COL19A1: variants seen among roughly 807,000 people sequenced by gnomAD.
The protein encoded by COL19A1 is collagen alpha-1(XIX) chain.
In COL19A1, 159 loss-of-function variants were observed where a neutral mutation model predicts 190.2. The ratio of observed to expected loss-of-function variants is 0.84; its 90% CI spans 0.73 to 0.95. The LOEUF (loss-of-function observed/expected upper bound fraction) is 0.95, where lower values mean the gene tolerates loss of function less well. Among genes scored for constraint, COL19A1 ranks in the 40% least tolerant of loss-of-function variants. The pLI, the probability that COL19A1 is intolerant of heterozygous loss-of-function variation, is 0.00. For missense variants in COL19A1, 1,418 were observed against 1,431.9 expected, an observed-to-expected ratio of 0.99 and a Z score of 0.16; for synonymous variants, 509 against 458.9, an observed-to-expected ratio of 1.11 and a Z score of -1.39.
intron 12 of COL19A1, among the ~76,000 whole-genome samples, chr6:70,032,588 A>G (rs1779133749): frequency 6.6e-6 from 1 of 152,174 alleles, no homozygotes; most frequent in African/African-American, 2.4e-5. Context: ...TCCAACTGTT[A>G]TCATTTAAGC....
Position 69,900,317 on chromosome 6 carries a change from C to T in COL19A1, c.245C>T (p.Ala82Val). The change falls in exon 4 of 51, where the codon GCA becomes GTA. Residue 82 changes from alanine (A) to valine (V), a missense_variant. By Grantham distance (64) the Ala-to-Val change is moderately conservative (BLOSUM62 0). Coordinates refer to ENST00000620364, the MANE Select transcript of COL19A1 (RefSeq NM_001858.6). ...AAAACCTGTTTCAAATTGGGAAGTGCACTTCTTATTAGAGACACTATGTAA... is the reference window on the plus strand; with the variant it reads ...AAAACCTGTTTCAAATTGGGAAGTGTACTTCTTATTAGAGACACTATGTAA... ...SDKTCFKLGS[A>V]LLIRDTIKIF... The T allele has an allele frequency of 1.3e-6, 2 of 1,582,326 alleles. No homozygotes were observed. The highest frequency in any genetic ancestry group is 1.7e-6 in the Non-Finnish European group (2 of 1,162,538).
At chr6:69,929,097 G>A (rs1379118251) in intron 5 of COL19A1, among the ~76,000 whole-genome samples, 1 of 151,320 alleles carries the variant, frequency 6.6e-6, no homozygotes, top group Non-Finnish European at 1.5e-5. Context: ...TATCTATAGT[G>A]TATATAAATT....
Position 69,972,794 on chromosome 6 carries a change from A to G in COL19A1, c.1026+9924A>G, listed in dbSNP as rs558115297. On this transcript the variant is annotated intron_variant, in intron 11 of 50. Transcript: ENST00000620364. Reference sequence around the variant, plus strand: ...TTTGTGAATCACATTGCCTTTTGGCAGGCACTATTTAGCTCATAATTCTAT... The same window carrying G: ...TTTGTGAATCACATTGCCTTTTGGCGGGCACTATTTAGCTCATAATTCTAT... 2.6e-5 allele frequency among the ~76,000 whole-genome samples: 4 copies of G among 152,310 alleles called. No homozygotes were observed. In the South Asian group the frequency reaches 8.3e-4, roughly 32 times the overall value.
At chr6:70,065,085 T>C (rs572565091) in intron 14 of COL19A1, among the ~76,000 whole-genome samples, 74 of 152,302 alleles carry the variant, frequency 4.9e-4, no homozygotes, top group African/African-American at 1.8e-3. Flanking sequence ...AATGAGTTTC[T>C]TCACAGAATT....
rs571412390 is a variant in COL19A1 at position 70,078,565 on chromosome 6, C to T, written c.1224+10089C>T. Reference sequence around the variant, plus strand: ...CCCAGTATCTCCAGGCCAGGTAGATCCTGTAGACTAAGGTAACCCTCCAGG... The same window carrying T: ...CCCAGTATCTCCAGGCCAGGTAGATTCTGTAGACTAAGGTAACCCTCCAGG... On this transcript the variant is annotated intron_variant, in intron 15 of 50. Coordinates refer to ENST00000620364, the MANE Select transcript of COL19A1 (RefSeq NM_001858.6). 3.0e-4 allele frequency among the ~76,000 whole-genome samples: 45 copies of T among 152,210 alleles called. No individual in the cohort carries two copies. The South Asian group carries it at 7.5e-3, about 25-fold the overall frequency.
intron 9 of COL19A1, among the ~76,000 whole-genome samples, chr6:69,949,195 C>T (rs990049854): frequency 4.6e-5 from 7 of 151,818 alleles, no homozygotes; most frequent in Non-Finnish European, 1.0e-4. Context: ...ACGTTTAACT[C>T]TTGGTTCCCG....
rs3806064 is a variant in COL19A1, at chr6:70,200,059, T to C, written c.3223+323T>C. On this transcript the variant is annotated intron_variant, in intron 49 of 50. Coordinates refer to ENST00000620364, the MANE Select transcript of COL19A1 (RefSeq NM_001858.6). ...TATATATCATTATTATCTAGGAATC[T>C]TAGAATTTTTTAGGCTTCCCCTTTT... The C allele has an allele frequency of 0.4, 68,344 of 172,622 alleles. 14,012 individuals are homozygous for C. The highest frequency in any genetic ancestry group is 0.44 in the Non-Finnish European group (34,764 of 79,636). The allele number at this position is 172,622 out of a possible 1,614,324, so 10.7% of individuals were successfully genotyped here.
intron 41 of COL19A1, among the ~76,000 whole-genome samples, chr6:70,172,811 G>A (rs577889102): frequency 7.2e-5 from 11 of 152,158 alleles, no homozygotes; most frequent in South Asian, 2.1e-4. Context: ...CAGAGCCATC[G>A]GTGATTTCTG....
intron 11 of COL19A1, among the ~76,000 whole-genome samples, chr6:69,989,506 ATG>A (rs1180800872): frequency 6.6e-6 from 1 of 150,962 alleles, no homozygotes; most frequent in Non-Finnish European, 1.5e-5. Context: ...ACAGCTTTGA[ATG>A]TGACTCAACA....
intron 48 of COL19A1, among the ~76,000 whole-genome samples, chr6:70,194,358 C>T (rs1158487534): frequency 1.3e-5 from 2 of 152,166 alleles, no homozygotes; most frequent in African/African-American, 4.8e-5. Context: ...CTACAAATCT[C>T]AAACCTTGAT....
chr6:70,125,517 G>C (rs1785143164), intron 17 of COL19A1, among the ~76,000 whole-genome samples: 1 of 151,896 alleles, frequency 6.6e-6, no homozygotes, highest in Non-Finnish European at 1.5e-5. Flanking sequence ...ATGTCATCTG[G>C]AGGGAGAAGC....
chr6:70,064,090 C>G (rs1781022033), intron 14 of COL19A1, among the ~76,000 whole-genome samples: 1 of 152,068 alleles, frequency 6.6e-6, no homozygotes, highest in Non-Finnish European at 1.5e-5. Context: ...CTACTCCAAT[C>G]AATAGAAAAA....
At chr6:70,158,005 T>C (rs74362917) in intron 34 of COL19A1, among the ~76,000 whole-genome samples, 5,883 of 152,226 alleles carry the variant, frequency 0.039, 155 homozygotes, top group Non-Finnish European at 0.059. Flanking sequence ...AGCGGGCTTT[T>C]TCTTCGGTAC....
In COL19A1 at chr6:69,936,779, T is replaced by G. The variant is rs1398326882; in HGVS notation, c.748-6T>G. 1 of 1,612,018 alleles carries G rather than the reference T, an allele frequency of 6.2e-7. No individual in the cohort carries two copies. Among genetic ancestry groups the G allele is most frequent in the Non-Finnish European group, 8.5e-7 (1 of 1,178,630 alleles). ...CCATTTCCTAAAGCCTCTTTTTGGA[T>G]TTTAGTGCCCAGAGCAGGATGGCTT... is the stretch of plus-strand genomic sequence containing the variant. On this transcript the variant is annotated splice_region_variant and splice_polypyrimidine_tract_variant and intron_variant, in intron 7 of 50. Transcript: ENST00000620364.
At chr6:70,111,567 A>G (rs1357212542) in intron 16 of COL19A1, among the ~76,000 whole-genome samples, 1 of 152,202 alleles carries the variant, frequency 6.6e-6, no homozygotes, top group Non-Finnish European at 1.5e-5. Context: ...AAGAAGCAGG[A>G]AAAACATTCT....
intron 49 of COL19A1, 164 bp downstream of exon 49, chr6:70,199,900 T>C (rs780943253): frequency 6.0e-6 from 4 of 668,848 alleles, no homozygotes; most frequent in Middle Eastern, 3.9e-4. Context: ...AATCTCTTTA[T>C]AATATTTGAC....
chr6:70,091,226 G>A (rs1037550570), intron 15 of COL19A1, among the ~76,000 whole-genome samples: 15 of 152,076 alleles, frequency 9.9e-5, no homozygotes, highest in African/African-American at 3.1e-4. Flanking sequence ...GTGTTTACTG[G>A]CCCCATAACC....
intron 17 of COL19A1, among the ~76,000 whole-genome samples, chr6:70,126,768 G>T (rs1490073446): frequency 6.6e-6 from 1 of 152,200 alleles, no homozygotes; most frequent in African/African-American, 2.4e-5. Flanking sequence ...TGAAGGCGTT[G>T]TCAGGACCAC....
intron 4 of COL19A1, among the ~76,000 whole-genome samples, chr6:69,925,312 A>T (rs1772291500): frequency 6.6e-6 from 1 of 152,232 alleles, no homozygotes; most frequent in Non-Finnish European, 1.5e-5. Context: ...ATGGCAAGCC[A>T]GTATTCCCAG....
Sources: gnomAD v4.1 joint callset for allele counts (sites outside exome capture counted in the v4.1 genomes callset) on GRCh38, gnomAD v4.1.1 for gene constraint, MANE v1.5 for transcripts, NCBI Gene and HGNC (gene_info 2026-07-23, HGNC 2026-07-21) for gene names.